Variants in GASK1B observed in about 807,000 individuals in gnomAD.
GASK1B encodes golgi associated kinase 1B.
A neutral mutation model predicts 42.8 loss-of-function variants in GASK1B; 34 were observed. The ratio of observed to expected loss-of-function variants is 0.79; its 90% CI spans 0.60 to 1.06. The LOEUF (loss-of-function observed/expected upper bound fraction) is 1.06. Ranked by LOEUF, GASK1B falls within the 50% of genes least tolerant of loss-of-function variation. The pLI is 0.00. For missense variants in GASK1B, 686 were observed against 661.0 expected (o/e 1.04, Z -0.42); for synonymous variants, 262 against 259.1 (o/e 1.01, Z -0.11).
chr4:158,134,526 T>G (rs542304110), intron 3 of GASK1B, among the ~76,000 whole-genome samples: 51 of 152,296 alleles, frequency 3.3e-4, no homozygotes, highest in Admixed American at 3.1e-3. Flanking sequence ...CAGGAATGTC[T>G]TTTCCAAAAC....
intron 2 of GASK1B, among the ~76,000 whole-genome samples, chr4:158,156,148 A>G (rs1188828607): frequency 2.6e-5 from 4 of 152,200 alleles, no homozygotes; most frequent in Non-Finnish European, 4.4e-5. Flanking sequence ...TCCACATCTA[A>G]AAGCAGCCAC....
intron 3 of GASK1B, among the ~76,000 whole-genome samples, chr4:158,149,416 G>A (rs1489948321): frequency 6.6e-6 from 1 of 152,132 alleles, no homozygotes; most frequent in Non-Finnish European, 1.5e-5. Flanking sequence ...AATGATAAAG[G>A]CAGTAGGGTA....
intron 3 of GASK1B, among the ~76,000 whole-genome samples, chr4:158,135,229 G>A (rs1379482811): frequency 6.7e-6 from 1 of 149,194 alleles, no homozygotes; most frequent in African/African-American, 2.5e-5. Flanking sequence ...GCTGAGGCAG[G>A]AGAATCACTT....
At position 158,127,502 on chromosome 4, in the gene GASK1B, T is replaced by C; in HGVS notation, c.1465A>G (p.Ile489Val). ...YWESQGGRQG[I>V]EKLIDVIEHR... is the part of the protein sequence containing the mutation. ...TCTATTACATCGATAAGCTTTTCAA[T>C]TCCTTGTCTACCTCCTTGACTTTCC... is the stretch of plus-strand genomic sequence containing the variant. The change falls in exon 5 of 5, where the codon ATT becomes GTT. Residue 489 changes from isoleucine to valine, a missense_variant. Transcript: ENST00000585682. The C allele has an allele frequency of 6.2e-7, 1 of 1,613,840 alleles. No homozygotes were observed. Among genetic ancestry groups the C allele is most frequent in the Non-Finnish European group, 8.5e-7 (1 of 1,179,796 alleles).
chr4:158,166,579 A>T (rs931981876), intron 2 of GASK1B, among the ~76,000 whole-genome samples: 4 of 152,178 alleles, frequency 2.6e-5, no homozygotes, highest in African/African-American at 4.8e-5. Context: ...CCCCAGGCAT[A>T]ATGACATCTG....
chr4:158,162,458 T>G (rs1202347486), intron 2 of GASK1B, among the ~76,000 whole-genome samples: 1 of 152,124 alleles, frequency 6.6e-6, no homozygotes, highest in Non-Finnish European at 1.5e-5. Flanking sequence ...GCTCTTAGAG[T>G]CTAAGGAATG....
At chr4:158,145,772 C>T (rs1731308101) in intron 3 of GASK1B, among the ~76,000 whole-genome samples, 1 of 152,200 alleles carries the variant, frequency 6.6e-6, no homozygotes, top group Non-Finnish European at 1.5e-5. Context: ...ACTAAACCTA[C>T]TCAGTGTCTG....
intron 3 of GASK1B, among the ~76,000 whole-genome samples, chr4:158,132,176 C>T (rs1320820811): frequency 5.6e-5 from 8 of 143,212 alleles, no homozygotes; most frequent in Non-Finnish European, 7.9e-5. Context: ...CAAAATTCCA[C>T]GATTTTTTTC....
At chr4:158,131,484 G>A (rs1730680822) in intron 3 of GASK1B, among the ~76,000 whole-genome samples, 1 of 152,150 alleles carries the variant, frequency 6.6e-6, no homozygotes, top group Non-Finnish European at 1.5e-5. Context: ...ATTACAGTAA[G>A]CTAACTTGAA....
At chr4:158,157,217 G>T (rs1731790097) in intron 2 of GASK1B, among the ~76,000 whole-genome samples, 1 of 152,072 alleles carries the variant, frequency 6.6e-6, no homozygotes. Flanking sequence ...AGGGCATGTG[G>T]AAAGTCTATT....
intron 3 of GASK1B, among the ~76,000 whole-genome samples, chr4:158,147,770 A>T (rs778917929): frequency 2.5e-4 from 38 of 152,278 alleles, no homozygotes; most frequent in Non-Finnish European, 4.6e-4. Context: ...CAAAGTAAGA[A>T]AAATTATTTA....
intron 2 of GASK1B, among the ~76,000 whole-genome samples, chr4:158,165,038 T>C (rs1732173205): frequency 6.6e-6 from 1 of 152,240 alleles, no homozygotes; most frequent in Non-Finnish European, 1.5e-5. Context: ...TTCTTGGAAC[T>C]AGGCTACCTT....
intron 3 of GASK1B, among the ~76,000 whole-genome samples, chr4:158,144,046 G>A (rs1731239670): frequency 6.6e-6 from 1 of 151,864 alleles, no homozygotes. Context: ...TTATTTCCCT[G>A]CAAAAAATGT....
At chr4:158,143,212 A>T (rs1482394989) in intron 3 of GASK1B, among the ~76,000 whole-genome samples, 1 of 152,196 alleles carries the variant, frequency 6.6e-6, no homozygotes, top group Non-Finnish European at 1.5e-5. Flanking sequence ...GTAGACAGAG[A>T]TAGAGATTTA....
At position 158,127,306 on chromosome 4, in the gene GASK1B, C is replaced by A; in HGVS notation, c.*101G>T. The A allele has an allele frequency of 2.2e-6, 2 of 927,246 alleles. No homozygotes were observed. The highest frequency in any genetic ancestry group is 3.4e-6 in the Non-Finnish European group (2 of 593,962). 57.4% of individuals were successfully genotyped at this position (927,246 alleles called of 1,614,324 possible). ...CATTTATTTTACGTATTCATCTACA[C>A]TGCCTCATTGCTAAACGGGCTTGAG... On this transcript the variant is annotated 3_prime_UTR_variant, in exon 5 of 5. Transcript: ENST00000585682.
intron 3 of GASK1B, among the ~76,000 whole-genome samples, chr4:158,144,563 T>A (rs1284980489): frequency 6.6e-6 from 1 of 152,234 alleles, no homozygotes; most frequent in Non-Finnish European, 1.5e-5. Flanking sequence ...AGTAAGTGAT[T>A]CCTTGTGACC....
chr4:158,145,462 T>G (rs1236733645), intron 3 of GASK1B, among the ~76,000 whole-genome samples: 2 of 152,196 alleles, frequency 1.3e-5, no homozygotes, highest in Non-Finnish European at 2.9e-5. Context: ...GGGAACAGGA[T>G]ATTTCTGTAA....
At position 158,124,848 on chromosome 4, in the gene GASK1B, C is replaced by T. The variant is rs1730390546; in HGVS notation, c.*2559G>A. On this transcript the variant is annotated 3_prime_UTR_variant, in exon 5 of 5. Coordinates refer to ENST00000585682, the MANE Select transcript of GASK1B (RefSeq NM_001128424.2). ...GAACTCATCTGCAAAATAAAAAGCA[C>T]ATATCTTTAATTTCTAATGTTTTAT... The T allele has an allele frequency of 1.3e-5, 2 of 152,228 alleles. No individual in the cohort carries two copies. The highest frequency in any genetic ancestry group is 2.9e-5 in the Non-Finnish European group (2 of 67,990). The allele number at this position is 152,228 out of a possible 1,614,324, so 9.4% of individuals were successfully genotyped here.
intron 2 of GASK1B, chr4:158,170,126 C>T (rs1732410555): frequency 9.2e-7 from 1 of 1,085,568 alleles, no homozygotes; most frequent in Non-Finnish European, 1.3e-6. Flanking sequence ...AAGTTCTTTG[C>T]CTCCAGCCTA....
Sources: gnomAD v4.1 joint callset for allele counts (sites outside exome capture counted in the v4.1 genomes callset) on GRCh38, gnomAD v4.1.1 for gene constraint, MANE v1.5 for transcripts, NCBI Gene and HGNC (gene_info 2026-07-23, HGNC 2026-07-21) for gene names.